Variants in GTF3C1 observed in about 807,000 individuals in gnomAD.
GTF3C1 encodes general transcription factor 3C polypeptide 1.
In GTF3C1, 57 loss-of-function variants were observed where a neutral mutation model predicts 226.7. The ratio of observed to expected loss-of-function variants is 0.25; its 90% CI spans 0.20 to 0.31. The LOEUF (loss-of-function observed/expected upper bound fraction) is 0.31, where lower values mean the gene tolerates loss of function less well. GTF3C1 is among the 10% of genes least tolerant of loss of function. GTF3C1 has a pLI of 1.00. For missense variants in GTF3C1, 2,217 were observed against 2,776.1 expected, an observed-to-expected ratio of 0.80 and a Z score of 4.53; for synonymous variants, 1,090 against 1,084.8, an observed-to-expected ratio of 1.00 and a Z score of -0.09.
At chr16:27,520,681 C>A (rs866024230) in intron 6 of GTF3C1, among the ~76,000 whole-genome samples, 1 of 152,166 alleles carries the variant, frequency 6.6e-6, no homozygotes, top group South Asian at 2.1e-4. Context: ...CCTCCTTAAA[C>A]CCTTGGGCTG....
In GTF3C1 at chr16:27,507,693, C is replaced by G. The variant is rs1387453976; in HGVS notation, c.1243-537G>C. On this transcript the variant is annotated intron_variant, in intron 8 of 36. Coordinates refer to ENST00000356183, the MANE Select transcript of GTF3C1 (RefSeq NM_001520.4). The surrounding 1 kb of genome is among the most constrained non-coding windows in gnomAD (Gnocchi z 4.9). ...GTACTATCACATGCCAGGGATGGGG[C>G]TAAGTGTGCTGCAGTCACTCACCCA... Among the ~76,000 whole-genome samples, 1 of 152,190 alleles carries G rather than the reference C, an allele frequency of 6.6e-6. No homozygotes were observed. The highest frequency in any genetic ancestry group is 2.4e-5 in the African/African-American group (1 of 41,452).
At position 27,492,515 on chromosome 16, in the gene GTF3C1, C is replaced by T. The variant is rs1567395822; in HGVS notation, c.2974G>A (p.Val992Ile). The T allele has an allele frequency of 6.2e-7, 1 of 1,610,670 alleles. No homozygotes were observed. Among genetic ancestry groups the T allele is most frequent in the Admixed American group, 1.7e-5 (1 of 59,976 alleles). ...GCATTCTTCTTCAAGAAGATAAAGA[C>T]CTAAGGGGAGACACCAGACAGGGAG... ...PTEKFQDKDQ[V>I]FIFLKKNAVI... Residue 992 changes from valine to isoleucine, a missense_variant and splice_region_variant, in exon 19 of 37, where the codon GTC becomes ATC. By Grantham distance (29) the Val-to-Ile change is conservative. Coordinates refer to ENST00000356183, the MANE Select transcript of GTF3C1 (RefSeq NM_001520.4). The surrounding 1 kb of genome is among the most constrained non-coding windows in gnomAD (Gnocchi z 5.0).
intron 20 of GTF3C1, 77 bp from the exon 21 acceptor site, chr16:27,489,255 G>A (rs1019026539): frequency 1.3e-6 from 2 of 1,506,320 alleles, no homozygotes; most frequent in South Asian, 2.4e-5. Context: ...ATGGGTTGAG[G>A]GACATTTATT....
Position 27,501,187 on chromosome 16 carries a change from T to A in GTF3C1, c.2061+4A>T, listed in dbSNP as rs781474284. On this transcript the variant is annotated splice_donor_region_variant and intron_variant, in intron 12 of 36. Coordinates refer to ENST00000356183, the MANE Select transcript of GTF3C1 (RefSeq NM_001520.4). ...CTCTGGGCATCGGGGGAGGCCCTGG[T>A]TACCTTCTTCTTGATGCCATCTTGA... is the stretch of plus-strand genomic sequence containing the variant. The A allele has an allele frequency of 6.2e-6, 10 of 1,609,708 alleles. No homozygotes were observed. Among genetic ancestry groups the A allele is most frequent in the Non-Finnish European group, 6.8e-6 (8 of 1,176,458 alleles).
Position 27,462,243 on chromosome 16 carries a change from G to A in GTF3C1, c.6117+51C>T, listed in dbSNP as rs1418690132. The A allele has an allele frequency of 1.5e-6, 2 of 1,346,672 alleles. No homozygotes were observed. Among genetic ancestry groups the A allele is most frequent in the African/African-American group, 1.4e-5 (1 of 69,412 alleles). 83.4% of individuals were successfully genotyped at this position (1,346,672 alleles called of 1,614,324 possible). On this transcript the variant is annotated intron_variant, in intron 36 of 36. Coordinates refer to ENST00000356183, the MANE Select transcript of GTF3C1 (RefSeq NM_001520.4). The surrounding 1 kb of genome is among the most constrained non-coding windows in gnomAD (Gnocchi z 4.5). Reference sequence around the variant, plus strand: ...GCCTGAACATCACAGCCGGGCCACTGAGTGCACCCAGCCGCCTCCACACCC... The same window carrying A: ...GCCTGAACATCACAGCCGGGCCACTAAGTGCACCCAGCCGCCTCCACACCC...
At chr16:27,490,227 G>A (rs894673204) in intron 19 of GTF3C1, among the ~76,000 whole-genome samples, 1 of 152,244 alleles carries the variant, frequency 6.6e-6, no homozygotes, top group Non-Finnish European at 1.5e-5. Flanking sequence ...GGCTCCAGGA[G>A]CAGCCAGATG....
At position 27,468,917 on chromosome 16, in the gene GTF3C1, T is replaced by C. The variant is rs1007686009; in HGVS notation, c.5074+374A>G. ...TTTCCTAAGAGCACACACTTTAGAG[T>C]TGCAGAGCTAAGCACCAGGAGACTA... On this transcript the variant is annotated intron_variant, in intron 32 of 36. Transcript: ENST00000356183. 1.3e-5 allele frequency among the ~76,000 whole-genome samples: 2 copies of C among 151,904 alleles called. 1 individual carries two copies. Among genetic ancestry groups the C allele is most frequent in the Non-Finnish European group, 2.9e-5 (2 of 67,972 alleles).
rs528538034 is a variant in GTF3C1, at chr16:27,466,975, G to A, written c.5075-1435C>T. ...TTTATGAAGTTTAAGGAAAGAAGCC[G>A]TCTCCGTAACATAAAAGTAAAAGGT... On this transcript the variant is annotated intron_variant, in intron 32 of 36. Transcript: ENST00000356183. 9.2e-5 allele frequency among the ~76,000 whole-genome samples: 14 copies of A among 152,334 alleles called. No homozygotes were observed. In the South Asian group the frequency reaches 1.7e-3, roughly 18 times the overall value.
chr16:27,542,880 T>C (rs184031211), intron 2 of GTF3C1, among the ~76,000 whole-genome samples: 30 of 152,338 alleles, frequency 2.0e-4, no homozygotes, highest in Non-Finnish European at 3.8e-4. Flanking sequence ...TGCAGCACTG[T>C]GAACTAAATA....
In GTF3C1 at chr16:27,463,348, C is replaced by T. The variant is rs2087732833; in HGVS notation, c.5924+193G>A. On this transcript the variant is annotated intron_variant, in intron 35 of 36. Coordinates refer to ENST00000356183, the MANE Select transcript of GTF3C1 (RefSeq NM_001520.4). The surrounding 1 kb of genome is among the most constrained non-coding windows in gnomAD (Gnocchi z 4.9). ...CCCTCATTCCAGGCCGACCTGGGCA[C>T]TGCCAGTGCTCAGCACGCCTGCTGC... is the stretch of plus-strand genomic sequence containing the variant. 1 of 630,384 alleles carries T rather than the reference C, an allele frequency of 1.6e-6. No homozygotes were observed. 39.0% of individuals were successfully genotyped at this position (630,384 alleles called of 1,614,324 possible).
chr16:27,494,982 T>C, intron 15 of GTF3C1, 74 bp from the exon 16 acceptor site: 1 of 1,319,588 alleles, frequency 7.6e-7, no homozygotes, highest in Non-Finnish European at 1.1e-6. Context: ...TAACGTCATC[T>C]CCCAGGAGGT....
chr16:27,464,940 C>T, intron 33 of GTF3C1, 104 bp from the exon 34 acceptor site: 1 of 960,446 alleles, frequency 1.0e-6, no homozygotes, highest in Non-Finnish European at 1.5e-6. Context: ...GGGTTGAGTG[C>T]CCTGAGCAGC....
At chr16:27,484,072 C>T in intron 25 of GTF3C1, 139 bp downstream of exon 25, 1 of 661,026 alleles carries the variant, frequency 1.5e-6, no homozygotes, top group South Asian at 1.9e-5. Context: ...AAACCAAGGT[C>T]CATCTCCCCA....
chr16:27,484,027 A>T (rs534706387), intron 25 of GTF3C1, among the ~76,000 whole-genome samples, 184 bp downstream of exon 25: 15 of 152,330 alleles, frequency 9.8e-5, no homozygotes, highest in African/African-American at 3.4e-4. Context: ...TGCATGGGAA[A>T]GCACCCAGAA....
In GTF3C1 at chr16:27,469,975, T is replaced by C. The variant is rs2087843674; in HGVS notation, c.4814+133A>G. The C allele has an allele frequency of 1.3e-6, 1 of 748,708 alleles. No homozygotes were observed. Among genetic ancestry groups the C allele is most frequent in the Non-Finnish European group, 2.3e-6 (1 of 442,956 alleles). The allele number at this position is 748,708 out of a possible 1,614,324, so 46.4% of individuals were successfully genotyped here. Reference sequence around the variant, plus strand: ...GCAGAGGACACCTTAGACACCGGCCTATAATCCCCAGTCACTCATCTGCAA... The same window carrying C: ...GCAGAGGACACCTTAGACACCGGCCCATAATCCCCAGTCACTCATCTGCAA... On this transcript the variant is annotated intron_variant, in intron 31 of 36. Transcript: ENST00000356183. This position sits in a 1 kb window ranked among gnomAD's most constrained non-coding sequence, Gnocchi z 4.5.
At chr16:27,498,535 TGCAGGTATAAAGAAAGG>T in intron 13 of GTF3C1, 78 bp downstream of exon 13, 2 of 763,864 alleles carry the variant, frequency 2.6e-6, no homozygotes, top group South Asian at 2.8e-5. Context: ...CACTGATCCA[TGCAGGTATAAAGAAAGG>T]GCTCTTCTGG....
intron 6 of GTF3C1, among the ~76,000 whole-genome samples, chr16:27,512,729 T>C (rs990681891): frequency 2.0e-5 from 3 of 152,192 alleles, no homozygotes; most frequent in Non-Finnish European, 4.4e-5. Context: ...TACGTATATG[T>C]AGGTAAGAAC....
At chr16:27,533,228 C>G (rs2088947900) in intron 5 of GTF3C1, 63 bp downstream of exon 5, 3 of 793,066 alleles carry the variant, frequency 3.8e-6, no homozygotes, top group Non-Finnish European at 6.7e-6. Context: ...CTATGCCTGA[C>G]AAGACCTCCC....
At position 27,506,922 on chromosome 16, in the gene GTF3C1, C is replaced by G. The variant is rs2088494402; in HGVS notation, c.1477G>C (p.Gly493Arg). 1 of 1,613,756 alleles carries G rather than the reference C, an allele frequency of 6.2e-7. No individual in the cohort carries two copies. The highest frequency in any genetic ancestry group is 1.7e-5 in the Admixed American group (1 of 59,982). ...ERSSSKRRGR[G>R]SQKDTRASAN... ...GAGGCTCTTGTGTCTTTCTGGGACC[C>G]TCTGCCTCTCCGCTTGCTGCTGCTC... Residue 493 changes from glycine (G) to arginine (R), a missense_variant, in exon 9 of 37, where the codon GGG becomes CGG. By Grantham distance (125) the Gly-to-Arg change is moderately radical. Coordinates refer to ENST00000356183, the MANE Select transcript of GTF3C1 (RefSeq NM_001520.4).
Sources: gnomAD v4.1 joint callset for allele counts (sites outside exome capture counted in the v4.1 genomes callset) on GRCh38, gnomAD v4.1.1 for gene constraint, Gnocchi (gnomAD v3.1) non-coding constraint, MANE v1.5 for transcripts, NCBI Gene and HGNC (gene_info 2026-07-23, HGNC 2026-07-21) for gene names.